The following TBC1D19 variants were observed in gnomAD, a reference collection of about 807,000 sequenced individuals.
TBC1D19 encodes TBC1 domain family member 19, also known as TBC1 domain family, member 19.
A neutral mutation model predicts 89.0 loss-of-function variants in TBC1D19; 60 were observed. The observed-to-expected ratio is 0.67, with a 90% CI of 0.55 to 0.84. TBC1D19 has a LOEUF of 0.84. TBC1D19 is among the 40% of genes least tolerant of loss of function. The pLI is 0.00. For synonymous variants in TBC1D19, 189 were observed against 199.7 expected (o/e 0.95, Z 0.45); for missense variants, 500 against 610.8 (o/e 0.82, Z 1.91).
At chr4:26,807,256 A>C in the TBC1D19 span, among the ~76,000 whole-genome samples, 1 of 152,138 alleles carries the variant, frequency 6.6e-6, no homozygotes, top group African/African-American at 2.4e-5. Context: ...GACTCAGCCA[A>C]GGTAAGCCCA....
chr4:26,656,834 C>T (rs978834695), intron 7 of TBC1D19, among the ~76,000 whole-genome samples: 7 of 152,288 alleles, frequency 4.6e-5, no homozygotes, highest in Admixed American at 1.3e-4. Flanking sequence ...GCTGGGATTA[C>T]AGGCATGAGC....
intron 1 of TBC1D19, among the ~76,000 whole-genome samples, chr4:26,612,289 A>G (rs1741429039): frequency 6.6e-6 from 1 of 151,714 alleles, no homozygotes; most frequent in African/African-American, 2.4e-5. Flanking sequence ...CACCAGTGCC[A>G]TCTCCCAGAA....
intron 12 of TBC1D19, among the ~76,000 whole-genome samples, chr4:26,687,886 C>T (rs534351355): frequency 1.3e-5 from 2 of 152,244 alleles, no homozygotes; most frequent in South Asian, 2.1e-4. Context: ...AACATTCTTG[C>T]TCTCTCAGTA....
chr4:26,577,766 G>A (rs1739003318), intron 1 of TBC1D19, among the ~76,000 whole-genome samples: 1 of 152,214 alleles, frequency 6.6e-6, no homozygotes, highest in Non-Finnish European at 1.5e-5. Flanking sequence ...ATGAGAGACT[G>A]CATGGGAGCC....
intron 7 of TBC1D19, among the ~76,000 whole-genome samples, chr4:26,652,153 G>C (rs1744437572): frequency 6.6e-6 from 1 of 152,032 alleles, no homozygotes; most frequent in Non-Finnish European, 1.5e-5. Context: ...ATGTTGATCA[G>C]GGATATTGGT....
the TBC1D19 span, among the ~76,000 whole-genome samples, chr4:26,810,840 G>A: frequency 6.6e-6 from 1 of 152,276 alleles, no homozygotes; most frequent in East Asian, 1.9e-4. Flanking sequence ...CCCAAGCCTA[G>A]CACCATACTA....
intron 11 of TBC1D19, among the ~76,000 whole-genome samples, 161 bp from the exon 12 acceptor site, chr4:26,683,514 T>C (rs557502781): frequency 6.6e-6 from 1 of 152,330 alleles, no homozygotes; most frequent in East Asian, 1.9e-4. Flanking sequence ...GTAAGTATAT[T>C]TGTTGAACAT....
At chr4:26,658,366 G>C (rs1296621407) in intron 7 of TBC1D19, among the ~76,000 whole-genome samples, 1 of 152,020 alleles carries the variant, frequency 6.6e-6, no homozygotes, top group Non-Finnish European at 1.5e-5. Context: ...TTGCTTGCTT[G>C]TATCAGGTTT....
chr4:26,726,495 T>C (rs1717328996), intron 15 of TBC1D19, among the ~76,000 whole-genome samples: 1 of 152,196 alleles, frequency 6.6e-6, no homozygotes, highest in Non-Finnish European at 1.5e-5. Flanking sequence ...CAGATTGATA[T>C]TTAAATGTGG....
the TBC1D19 span, among the ~76,000 whole-genome samples, chr4:26,771,925 A>T: frequency 6.6e-6 from 1 of 152,222 alleles, no homozygotes; most frequent in Non-Finnish European, 1.5e-5. Flanking sequence ...AAACAAAAAC[A>T]GTAGTGTCAT....
chr4:26,586,046 ATGTT>A (rs765527949), intron 1 of TBC1D19, among the ~76,000 whole-genome samples: 11 of 151,618 alleles, frequency 7.3e-5, no homozygotes, highest in Non-Finnish European at 1.3e-4. Context: ...AGTTTCTACT[ATGTT>A]TGTTTGTTCT....
the TBC1D19 span, among the ~76,000 whole-genome samples, chr4:26,838,804 T>C: frequency 6.6e-6 from 1 of 152,268 alleles, no homozygotes; most frequent in Admixed American, 6.5e-5. Flanking sequence ...AGAGGCCTTA[T>C]GGCCTGATAA....
the TBC1D19 span, among the ~76,000 whole-genome samples, chr4:26,777,355 G>C: frequency 6.6e-6 from 1 of 151,904 alleles, no homozygotes; most frequent in Non-Finnish European, 1.5e-5. Context: ...GGTTGGTCTC[G>C]AACTCCTGAC....
chr4:26,788,807 C>A, the TBC1D19 span, among the ~76,000 whole-genome samples: 1 of 152,176 alleles, frequency 6.6e-6, no homozygotes, highest in Non-Finnish European at 1.5e-5. Context: ...GTTAAGAGGA[C>A]AACATGCTCT....
chr4:26,820,271 C>T, the TBC1D19 span, among the ~76,000 whole-genome samples: 3 of 152,158 alleles, frequency 2.0e-5, no homozygotes, highest in Non-Finnish European at 2.9e-5. Context: ...AAAACTTATT[C>T]TTGCAGTCTG....
intron 7 of TBC1D19, among the ~76,000 whole-genome samples, chr4:26,644,970 T>A (rs1426114077): frequency 1.3e-5 from 2 of 151,490 alleles, no homozygotes; most frequent in African/African-American, 2.4e-5. Flanking sequence ...ATAGGAAGAA[T>A]CAAAATCGTG....
the TBC1D19 span, among the ~76,000 whole-genome samples, chr4:26,832,847 A>T: frequency 6.6e-6 from 1 of 152,134 alleles, no homozygotes; most frequent in Non-Finnish European, 1.5e-5. Flanking sequence ...TACAAAAATT[A>T]GCTGGGCTTG....
At chr4:26,665,916 A>G (rs76020971) in intron 8 of TBC1D19, among the ~76,000 whole-genome samples, 2,704 of 152,134 alleles carry the variant, frequency 0.018, 53 homozygotes, top group East Asian at 0.065. Flanking sequence ...CTTTTAAACA[A>G]TGGCAGCACT....
chr4:26,661,903 A>G (rs751341954), intron 8 of TBC1D19, among the ~76,000 whole-genome samples: 4 of 152,208 alleles, frequency 2.6e-5, no homozygotes, highest in Non-Finnish European at 5.9e-5. Context: ...TCTCATACAC[A>G]ATAGGAATCA....
Sources: allele counts gnomAD v4.1 joint callset (sites outside exome capture counted in the v4.1 genomes callset), GRCh38; gene constraint gnomAD v4.1.1; transcripts MANE v1.5; gene names NCBI Gene and HGNC (gene_info 2026-07-23, HGNC 2026-07-21).